COIL: variants seen among roughly 807,000 people sequenced by gnomAD.
The protein encoded by COIL is coilin.
A neutral mutation model predicts 51.6 loss-of-function variants in COIL; 28 were observed. The ratio of observed to expected loss-of-function variants is 0.54; its 90% CI spans 0.40 to 0.74. The LOEUF (loss-of-function observed/expected upper bound fraction) is 0.74, where lower values mean the gene tolerates loss of function less well. Ranked by LOEUF, COIL falls within the 30% of genes least tolerant of loss-of-function variation. The pLI is 0.00. For synonymous variants in COIL, 233 were observed against 255.8 expected (o/e 0.91, Z 0.85); for missense variants, 667 against 685.9 (o/e 0.97, Z 0.31).
At position 56,950,006 on chromosome 17, in the gene COIL, C is replaced by T; in HGVS notation, c.1236G>A (p.Met412Ile). 2 of 1,614,210 alleles carry T rather than the reference C, an allele frequency of 1.2e-6. No homozygotes were observed. The highest frequency in any genetic ancestry group is 1.1e-5 in the South Asian group (1 of 91,082). Residue 412 changes from methionine to isoleucine, a missense_variant, in exon 2 of 7, where the codon ATG becomes ATA. Coordinates refer to ENST00000240316, the MANE Select transcript of COIL (RefSeq NM_004645.3). Reference protein sequence around the residue: ...FSWKGAKGRGMRGRGRGRGHP... With the variant: ...FSWKGAKGRGIRGRGRGRGHP... ...GCCCTCGTCCTCGACCTCTCCCCCG[C>T]ATGCCCCGTCCCTTAGCTCCCTTCC... is the stretch of plus-strand genomic sequence containing the variant.
Position 56,939,139 on chromosome 17 carries a change from T to C in COIL, c.1663A>G (p.Lys555Glu), listed in dbSNP as rs533878148. Residue 555 changes from lysine (K) to glutamate (E), a missense_variant, in exon 7 of 7, where the codon AAA becomes GAA. Coordinates refer to ENST00000240316, the MANE Select transcript of COIL (RefSeq NM_004645.3). ...TQESKITVFW[K>E]ELIDPRLIIE... Reference sequence around the variant, plus strand: ...ATCAGTCTTGGGTCAATCAACTCTTTCCAAAATACAGTGATCTGAGGAAAA... The same window carrying C: ...ATCAGTCTTGGGTCAATCAACTCTTCCCAAAATACAGTGATCTGAGGAAAA... 6.3e-7 allele frequency: 1 copy of C among 1,594,404 alleles called. No homozygotes were observed. The highest frequency in any genetic ancestry group is 8.6e-7 in the Non-Finnish European group (1 of 1,162,288).
chr17:56,939,920 T>G (rs1348164864), intron 6 of COIL: 1 of 152,102 alleles, frequency 6.6e-6, no homozygotes, highest in Admixed American at 6.5e-5. Flanking sequence ...GGAGACCTTC[T>G]GGCAACTAGA....
Position 56,952,228 on chromosome 17 carries a change from G to A in COIL, c.246-1232C>T, listed in dbSNP as rs1222424075. 15 of 500,702 alleles carry A rather than the reference G, an allele frequency of 3.0e-5. No homozygotes were observed. In the East Asian group the frequency reaches 7.9e-4, roughly 26 times the overall value. 31.0% of individuals were successfully genotyped at this position (500,702 alleles called of 1,614,324 possible). On this transcript the variant is annotated intron_variant, in intron 1 of 6. Coordinates refer to ENST00000240316, the MANE Select transcript of COIL (RefSeq NM_004645.3). ...CCTCACAGGCAGGCTAAACAAGTAT[G>A]GAATAATCAGCCTCAGATTTGACGT...
At chr17:56,951,915 C>A (rs1206456999) in intron 1 of COIL, 1 of 169,232 alleles carries the variant, frequency 5.9e-6, no homozygotes, top group Admixed American at 6.4e-5. Flanking sequence ...ATTCTCGTGC[C>A]TCAGCCTCCC....
chr17:56,956,083 G>A (rs775658898), intron 1 of COIL, among the ~76,000 whole-genome samples: 2 of 152,146 alleles, frequency 1.3e-5, no homozygotes, highest in Admixed American at 6.5e-5. Flanking sequence ...ATAGAAATCT[G>A]GCTCTAAGAT....
In COIL at chr17:56,950,013, C is replaced by G. The variant is rs559133958; in HGVS notation, c.1229G>C (p.Arg410Pro). ...TCCTCGACCTCTCCCCCGCATGCCC[C>G]GTCCCTTAGCTCCCTTCCAAGAAAA... ...NLFSWKGAKG[R>P]GMRGRGRGRG... Residue 410 changes from arginine (R) to proline (P), a missense_variant, in exon 2 of 7, where the codon CGG (arginine) becomes CCG (proline). Physicochemically the swap from Arg to Pro is moderately radical, Grantham distance 103 (BLOSUM62 -2). Coordinates refer to ENST00000240316, the MANE Select transcript of COIL (RefSeq NM_004645.3). 6.2e-7 allele frequency: 1 copy of G among 1,614,160 alleles called. No individual in the cohort carries two copies. The highest frequency in any genetic ancestry group is 1.7e-5 in the Admixed American group (1 of 60,020).
intron 4 of COIL, 103 bp from the exon 5 acceptor site, chr17:56,946,614 TTATG>T: frequency 1.4e-6 from 1 of 704,644 alleles, no homozygotes; most frequent in Non-Finnish European, 2.4e-6. Flanking sequence ...ATGTTGAATT[TTATG>T]TTATGTGAAT....
Position 56,939,019 on chromosome 17 carries a change from A to C in COIL, c.*52T>G. On this transcript the variant is annotated 3_prime_UTR_variant, in exon 7 of 7. Coordinates refer to ENST00000240316, the MANE Select transcript of COIL (RefSeq NM_004645.3). Reference sequence around the variant, plus strand: ...AAAAAAAAAAAAAAGTTTGGGTTATAGTCACTTTCACAAACAAGACATTCA... The same window carrying C: ...AAAAAAAAAAAAAAGTTTGGGTTATCGTCACTTTCACAAACAAGACATTCA... 9.7e-7 allele frequency: 1 copy of C among 1,032,664 alleles called. No individual in the cohort carries two copies. Among genetic ancestry groups the C allele is most frequent in the South Asian group, 1.4e-5 (1 of 70,100 alleles). The allele number at this position is 1,032,664 out of a possible 1,614,324, so 64.0% of individuals were successfully genotyped here.
chr17:56,939,774 T>C (rs2144388605), intron 6 of COIL, among the ~76,000 whole-genome samples: 1 of 151,762 alleles, frequency 6.6e-6, no homozygotes, highest in East Asian at 1.9e-4. Flanking sequence ...AAATAACTCA[T>C]TTACTTAGAA....
intron 4 of COIL, among the ~76,000 whole-genome samples, chr17:56,948,690 G>C (rs1910297884): frequency 6.6e-6 from 1 of 150,920 alleles, no homozygotes; most frequent in African/African-American, 2.4e-5. Context: ...AGCTTTTACT[G>C]AACTATGAAA....
At chr17:56,942,768 G>A (rs549214945) in intron 5 of COIL, among the ~76,000 whole-genome samples, 32 of 152,156 alleles carry the variant, frequency 2.1e-4, no homozygotes, top group East Asian at 7.7e-4. Context: ...TGCCCGCCTC[G>A]GCCTCCCAAA....
chr17:56,949,803 G>A, intron 2 of COIL, 36 bp from the exon 3 acceptor site: 1 of 1,610,694 alleles, frequency 6.2e-7, no homozygotes, highest in Non-Finnish European at 8.5e-7. Flanking sequence ...CATCATCACT[G>A]GTGAGAAAAT....
chr17:56,943,380 T>A (rs1276880047), intron 5 of COIL, among the ~76,000 whole-genome samples: 8 of 152,344 alleles, frequency 5.3e-5, no homozygotes, highest in South Asian at 4.1e-4. Flanking sequence ...ACTGGCAGTG[T>A]CAACATTCCT....
rs559371241 is a variant in COIL, at chr17:56,950,496, T to G, written c.746A>C (p.Glu249Ala). ...CSKESPSSSS[E>A]SESCDESISD... ...GATAGATTCATCACAAGATTCAGAC[T>G]CCGAGGAGGAACTGGGACTCTCTTT... is the stretch of plus-strand genomic sequence containing the variant. Residue 249 changes from glutamate to alanine, a missense_variant, in exon 2 of 7, where the codon GAG becomes GCG. Transcript: ENST00000240316. 2 of 1,614,216 alleles carry G rather than the reference T, an allele frequency of 1.2e-6. No individual in the cohort carries two copies. Among genetic ancestry groups the G allele is most frequent in the South Asian group, 2.2e-5 (2 of 91,080 alleles).
chr17:56,950,369 T>C lies in COIL; in HGVS notation c.873A>G (p.Ala291=). The change falls in exon 2 of 7, where the codon GCA becomes GCG. Residue 291 remains alanine, a synonymous_variant. Transcript: ENST00000240316. ...KEEPSTKNTT[A]DKLAIKLGFS... is the part of the protein sequence containing the mutation. ...AGCCAAGTTTTATAGCCAGTTTGTC[T>C]GCAGTTGTATTTTTGGTAGAGGGTT... The C allele has an allele frequency of 6.2e-7, 1 of 1,614,226 alleles. No homozygotes were observed. Among genetic ancestry groups the C allele is most frequent in the Non-Finnish European group, 8.5e-7 (1 of 1,180,036 alleles).
At position 56,949,924 on chromosome 17, in the gene COIL, T is replaced by A; in HGVS notation, c.1318A>T (p.Asn440Tyr). Residue 440 changes from asparagine to tyrosine, a missense_variant, in exon 2 of 7, where the codon AAT becomes TAT. Physicochemically the swap from Asn to Tyr is moderately radical, Grantham distance 143. Coordinates refer to ENST00000240316, the MANE Select transcript of COIL (RefSeq NM_004645.3). ...GTAGATGAATTTTTTACCACGTCAT[T>A]TAATTGCTGTTGCCTCTGGTTGTCA... The part of the protein sequence containing the change: ...STDNQRQQQL[N>Y]DVVKNSSTII... The A allele has an allele frequency of 6.2e-7, 1 of 1,613,702 alleles. No individual in the cohort carries two copies.
chr17:56,949,677 A>G lies in COIL; in HGVS notation c.1440+4T>C. 6.2e-7 allele frequency: 1 copy of G among 1,611,654 alleles called. No individual in the cohort carries two copies. The highest frequency in any genetic ancestry group is 1.1e-5 in the South Asian group (1 of 91,034). ...TTTGCTGTGACTGTTCTTTTGAAAT[A>G]TACCTTAAATGCAATCTTTTCTCCA... On this transcript the variant is annotated splice_donor_region_variant and intron_variant, in intron 3 of 6. Transcript: ENST00000240316.
rs1181189666 is a variant in COIL at position 56,950,226 on chromosome 17, C to A, written c.1016G>T (p.Gly339Val). ...MSSSTPECAAGFLKTVGLFAG... is the reference protein window; with the variant it reads ...MSSSTPECAAVFLKTVGLFAG... ...AAAAAGGCCTACTGTCTTTAAGAAA[C>A]CCGCAGCACACTCCGGGGTGCTCGA... is the stretch of plus-strand genomic sequence containing the variant. The change falls in exon 2 of 7, where the codon GGT becomes GTT. Residue 339 changes from glycine to valine, a missense_variant. Transcript: ENST00000240316. 5 of 1,614,086 alleles carry A rather than the reference C, an allele frequency of 3.1e-6. No homozygotes were observed. The highest frequency in any genetic ancestry group is 4.2e-6 in the Non-Finnish European group (5 of 1,180,056).
Position 56,950,590 on chromosome 17 carries a change from A to G in COIL, c.652T>C (p.Ser218Pro). The change falls in exon 2 of 7, where the codon TCT (serine) becomes CCT (proline). Residue 218 changes from serine (S) to proline (P), a missense_variant. Coordinates refer to ENST00000240316, the MANE Select transcript of COIL (RefSeq NM_004645.3). The part of the protein sequence containing the change: ...VKDWANQRCS[S>P]PKGSARNSLV... ...CTGTTTCTAGCAGAACCTTTTGGAG[A>G]ACTACATCTCTGATTGGCCCAGTCT... 6.2e-7 allele frequency: 1 copy of G among 1,614,200 alleles called. No individual in the cohort carries two copies. The highest frequency in any genetic ancestry group is 2.2e-5 in the East Asian group (1 of 44,886).
Sources: gnomAD v4.1 joint callset for allele counts (sites outside exome capture counted in the v4.1 genomes callset) on GRCh38, gnomAD v4.1.1 for gene constraint, MANE v1.5 for transcripts, NCBI Gene and HGNC (gene_info 2026-07-23, HGNC 2026-07-21) for gene names.